PPP1R1C: variants seen among roughly 807,000 people sequenced by gnomAD.
PPP1R1C encodes the protein protein phosphatase 1 regulatory inhibitor subunit 1C, also known as protein phosphatase 1 regulatory subunit 1C.
PPP1R1C carries 15 observed loss-of-function variants against 17.4 expected under a neutral mutation model. The ratio of observed to expected loss-of-function variants is 0.86; its 90% CI spans 0.58 to 1.33. The LOEUF is 1.33. PPP1R1C is among the 40% of genes most tolerant of loss of function. The pLI, the probability that PPP1R1C is intolerant of heterozygous loss-of-function variation, is 0.00. For missense variants in PPP1R1C, 143 were observed against 130.0 expected, an observed-to-expected ratio of 1.10 and a Z score of -0.48; for synonymous variants, 35 against 43.1, an observed-to-expected ratio of 0.81 and a Z score of 0.73.
chr2:182,035,721 G>A (rs761279675), intron 2 of PPP1R1C, among the ~76,000 whole-genome samples: 3 of 152,074 alleles, frequency 2.0e-5, no homozygotes, highest in South Asian at 2.1e-4. Flanking sequence ...GCCTTCTGCC[G>A]TGATTGTAAG....
intron 4 of PPP1R1C, among the ~76,000 whole-genome samples, chr2:182,089,554 G>T (rs1688723637): frequency 1.3e-5 from 2 of 152,150 alleles, no homozygotes; most frequent in African/African-American, 2.4e-5. Flanking sequence ...TTTATGGATT[G>T]TGTATTTTGT....
At chr2:182,053,634 CAT>C (rs1015127398) in intron 2 of PPP1R1C, among the ~76,000 whole-genome samples, 3 of 152,034 alleles carry the variant, frequency 2.0e-5, no homozygotes, top group Admixed American at 6.6e-5. Context: ...GAGTTATTTT[CAT>C]TAACTTTCTT....
chr2:182,058,548 G>A (rs1687755230), intron 2 of PPP1R1C, among the ~76,000 whole-genome samples: 1 of 152,062 alleles, frequency 6.6e-6, no homozygotes, highest in Non-Finnish European at 1.5e-5. Flanking sequence ...GGGAAATTGT[G>A]CTCTCATTTT....
At chr2:182,037,045 T>G (rs536841375) in intron 2 of PPP1R1C, among the ~76,000 whole-genome samples, 1 of 152,320 alleles carries the variant, frequency 6.6e-6, no homozygotes, top group East Asian at 1.9e-4. Flanking sequence ...CAGAACGGAT[T>G]GAGGCTTGAA....
chr2:182,108,485 G>A (rs1313605730), intron 4 of PPP1R1C, among the ~76,000 whole-genome samples: 1 of 151,862 alleles, frequency 6.6e-6, no homozygotes, highest in Non-Finnish European at 1.5e-5. Flanking sequence ...ACTGTTTAAC[G>A]GTTTTAAATG....
At chr2:181,992,117 A>T (rs1685492381) in intron 2 of PPP1R1C, among the ~76,000 whole-genome samples, 1 of 152,220 alleles carries the variant, frequency 6.6e-6, no homozygotes. Context: ...ACAGACATAC[A>T]TAAACCAACC....
At chr2:182,029,416 C>A (rs368316333) in intron 2 of PPP1R1C, among the ~76,000 whole-genome samples, 16 of 148,236 alleles carry the variant, frequency 1.1e-4, no homozygotes, top group East Asian at 4.0e-4. Context: ...TGGTGGTGAC[C>A]AAATCTCTCA....
At chr2:181,955,550 A>G (rs574745808) in intron 1 of PPP1R1C, among the ~76,000 whole-genome samples, 149 of 152,284 alleles carry the variant, frequency 9.8e-4, no homozygotes, top group Non-Finnish European at 1.5e-3. Flanking sequence ...GAGGCTTTCT[A>G]TTTTAGAGTG....
chr2:181,984,233 C>G (rs896282885), upstream of PPP1R1C, among the ~76,000 whole-genome samples: 8 of 152,170 alleles, frequency 5.3e-5, no homozygotes, highest in African/African-American at 1.9e-4. Context: ...CTAAACCTCA[C>G]AAGAAGAAAG....
At chr2:182,024,623 G>A (rs1396409428) in intron 2 of PPP1R1C, among the ~76,000 whole-genome samples, 1 of 151,988 alleles carries the variant, frequency 6.6e-6, no homozygotes, top group Non-Finnish European at 1.5e-5. Flanking sequence ...TTGGGAGGCC[G>A]AGGTGGGCAG....
At chr2:182,071,574 G>A (rs1193478153) in intron 4 of PPP1R1C, among the ~76,000 whole-genome samples, 1 of 152,178 alleles carries the variant, frequency 6.6e-6, no homozygotes. Flanking sequence ...TTGGAAGGAA[G>A]TCACTGTGTG....
intron 2 of PPP1R1C, among the ~76,000 whole-genome samples, chr2:182,059,556 G>T (rs1466323722): frequency 6.6e-6 from 1 of 152,080 alleles, no homozygotes; most frequent in Non-Finnish European, 1.5e-5. Flanking sequence ...TGGCAACTAT[G>T]ATCTGTTATT....
At chr2:182,116,675 T>C (rs1379154591) in intron 4 of PPP1R1C, among the ~76,000 whole-genome samples, 1 of 152,164 alleles carries the variant, frequency 6.6e-6, no homozygotes, top group Non-Finnish European at 1.5e-5. Flanking sequence ...TTTCCCACTG[T>C]ATAGGTTGTG....
intron 1 of PPP1R1C, among the ~76,000 whole-genome samples, chr2:181,986,604 T>G (rs13405639): frequency 0.1 from 15,664 of 152,230 alleles, 976 homozygotes; most frequent in African/African-American, 0.17. Flanking sequence ...CCTGCAATAG[T>G]TTGAGACTAT....
chr2:182,082,463 G>C (rs1688508887), intron 4 of PPP1R1C, among the ~76,000 whole-genome samples: 1 of 152,094 alleles, frequency 6.6e-6, no homozygotes, highest in Non-Finnish European at 1.5e-5. Context: ...TACCCTGAAG[G>C]TCAAACGGAC....
At chr2:182,057,984 T>G (rs1414332323) in intron 2 of PPP1R1C, among the ~76,000 whole-genome samples, 1 of 152,154 alleles carries the variant, frequency 6.6e-6, no homozygotes, top group Non-Finnish European at 1.5e-5. Flanking sequence ...AAGGGCACAT[T>G]GAGTCCCATG....
intron 2 of PPP1R1C, among the ~76,000 whole-genome samples, chr2:182,004,482 AT>A (rs1685858461): frequency 6.6e-6 from 1 of 152,330 alleles, no homozygotes; most frequent in South Asian, 2.1e-4. Flanking sequence ...AAGGAAGAGT[AT>A]GCTGAAATCT....
intron 4 of PPP1R1C, among the ~76,000 whole-genome samples, chr2:182,065,055 T>C (rs1210465256): frequency 3.9e-5 from 6 of 152,142 alleles, no homozygotes; most frequent in Admixed American, 2.6e-4. Context: ...ATGTTCATTA[T>C]ATTTAGTTCT....
At chr2:182,075,480 G>GTA (rs1688271543) in intron 4 of PPP1R1C, among the ~76,000 whole-genome samples, 1 of 152,268 alleles carries the variant, frequency 6.6e-6, no homozygotes, top group African/African-American at 2.4e-5. Flanking sequence ...GGCAGTCTAA[G>GTA]AACCAATGAA....
Sources: allele counts gnomAD v4.1 joint callset (sites outside exome capture counted in the v4.1 genomes callset), GRCh38; gene constraint gnomAD v4.1.1; transcripts MANE v1.5; gene names NCBI Gene and HGNC (gene_info 2026-07-23, HGNC 2026-07-21).